The following RPS6KA2 variants were observed in gnomAD, a reference collection of about 807,000 sequenced individuals.
RPS6KA2 encodes ribosomal protein S6 kinase alpha-2.
In RPS6KA2, 42 loss-of-function variants were observed where a neutral mutation model predicts 91.8. The ratio of observed to expected loss-of-function variants is 0.46; its 90% CI spans 0.36 to 0.59. The LOEUF is 0.59. Among genes scored for constraint, RPS6KA2 ranks in the 20% least tolerant of loss-of-function variants. The pLI is 0.00. For missense variants in RPS6KA2, 798 were observed against 978.5 expected, an observed-to-expected ratio of 0.82 and a Z score of 2.46; for synonymous variants, 414 against 393.6, an observed-to-expected ratio of 1.05 and a Z score of -0.61.
chr6:166,703,031 ATGTTT>A (rs1442158581), intron 2 of RPS6KA2, among the ~76,000 whole-genome samples: 1 of 152,188 alleles, frequency 6.6e-6, no homozygotes, highest in African/African-American at 2.4e-5. Flanking sequence ...TTGTCTAGAT[ATGTTT>A]TAAAAGAGAA....
Position 166,531,411 on chromosome 6 carries a change from T to C in RPS6KA2, c.217-98A>G, listed in dbSNP as rs1366819661. 4 of 931,854 alleles carry C rather than the reference T, an allele frequency of 4.3e-6. No individual in the cohort carries two copies. In the East Asian group the frequency reaches 9.7e-5, roughly 23 times the overall value. The allele number at this position is 931,854 out of a possible 1,614,324, so 57.7% of individuals were successfully genotyped here. A position where few individuals can be genotyped will look rare whatever the true frequency, so the allele number is the denominator to read the frequency against. On this transcript the variant is annotated intron_variant, in intron 2 of 20. Coordinates refer to ENST00000265678, the MANE Select transcript of RPS6KA2 (RefSeq NM_021135.6). The stretch of plus-strand genomic sequence containing the variant: ...GGGATACACAAGGAAGTTTAGAGCA[T>C]TTTCAATAAAACAAGTACACTGGTG...
intron 2 of RPS6KA2, among the ~76,000 whole-genome samples, chr6:166,537,455 A>G (rs1412610041): frequency 6.6e-6 from 1 of 152,236 alleles, no homozygotes; most frequent in Non-Finnish European, 1.5e-5. Context: ...TAAACACCAT[A>G]TCAACTAGCC....
chr6:166,555,613 A>C lies in RPS6KA2; in HGVS notation c.100-16829T>G, dbSNP rs537884008. Among the ~76,000 whole-genome samples, 10 of 151,628 alleles carry C rather than the reference A, an allele frequency of 6.6e-5. No individual in the cohort carries two copies. The South Asian group carries it at 1.7e-3, about 25-fold the overall frequency. Reference sequence around the variant, plus strand: ...CATCGCCTCGTTCAGGGATGCTACGATTGAGCCTCTTTCTCTGCTGCAACC... The same window carrying C: ...CATCGCCTCGTTCAGGGATGCTACGCTTGAGCCTCTTTCTCTGCTGCAACC... On this transcript the variant is annotated intron_variant, in intron 1 of 20. Coordinates refer to ENST00000265678, the MANE Select transcript of RPS6KA2 (RefSeq NM_021135.6).
chr6:166,561,899 G>C (rs772235967), intron 1 of RPS6KA2, among the ~76,000 whole-genome samples: 4 of 152,116 alleles, frequency 2.6e-5, no homozygotes, highest in African/African-American at 9.7e-5. Context: ...AGGGAGGAGA[G>C]AGCGGCCACC....
intron 2 of RPS6KA2, among the ~76,000 whole-genome samples, chr6:166,692,450 A>G (rs1459639248): frequency 6.6e-6 from 1 of 152,194 alleles, no homozygotes; most frequent in African/African-American, 2.4e-5. Flanking sequence ...CTCAAGGACA[A>G]GACAGAATAA....
At chr6:166,650,526 G>A (rs747963660) in intron 2 of RPS6KA2, among the ~76,000 whole-genome samples, 8 of 151,924 alleles carry the variant, frequency 5.3e-5, no homozygotes, top group Non-Finnish European at 1.0e-4. Flanking sequence ...GGAGGGGTCC[G>A]TGTTCACTGT....
chr6:166,706,138 T>C (rs1004070421), intron 2 of RPS6KA2, among the ~76,000 whole-genome samples: 5 of 152,208 alleles, frequency 3.3e-5, no homozygotes, highest in Admixed American at 3.3e-4. Flanking sequence ...ACTCCGTTTA[T>C]CGTTTTTCAT....
At chr6:166,480,519 T>C (rs1435207775) in intron 10 of RPS6KA2, among the ~76,000 whole-genome samples, 1 of 112,644 alleles carries the variant, frequency 8.9e-6, no homozygotes, top group African/African-American at 4.3e-5. Context: ...ATATATAATA[T>C]ATTTTTTTTT....
At position 166,862,343 on chromosome 6, in the gene RPS6KA2, G is replaced by A; in HGVS notation, c.-173C>T. 2.1e-6 allele frequency: 3 copies of A among 1,460,088 alleles called. No homozygotes were observed. The South Asian group carries it at 4.0e-5, about 20-fold the overall frequency. The allele number at this position is 1,460,088 out of a possible 1,614,324, so 90.4% of individuals were successfully genotyped here. ...ATCCGGCTCCCAGAGGAGGTCGTGAGCGCGGGGCCTGCGCCGGCCGGAGGA... is the reference window on the plus strand; with the variant it reads ...ATCCGGCTCCCAGAGGAGGTCGTGAACGCGGGGCCTGCGCCGGCCGGAGGA... On this transcript the variant is annotated 5_prime_UTR_variant, in exon 1 of 22. Transcript: ENST00000503859.
chr6:166,811,852 T>C (rs1362569292), intron 2 of RPS6KA2, among the ~76,000 whole-genome samples: 1 of 152,226 alleles, frequency 6.6e-6, no homozygotes, highest in Non-Finnish European at 1.5e-5. Context: ...TCTCAAAAAT[T>C]AAAATTCACT....
rs535437883 is a variant in RPS6KA2 at position 166,446,783 on chromosome 6, T to C, written c.1332+1941A>G. ...CGCGGCTGCTGGGCTGACCAAACCG[T>C]AGGCTTGTTTCTTTGAGCTCACTGG... On this transcript the variant is annotated intron_variant, in intron 14 of 20. Coordinates refer to ENST00000265678, the MANE Select transcript of RPS6KA2 (RefSeq NM_021135.6). 3.9e-5 allele frequency among the ~76,000 whole-genome samples: 6 copies of C among 152,282 alleles called. No individual in the cohort carries two copies. In the South Asian group the frequency reaches 1.2e-3, roughly 32 times the overall value.
At chr6:166,804,899 G>A (rs1779453028) in intron 2 of RPS6KA2, among the ~76,000 whole-genome samples, 1 of 152,108 alleles carries the variant, frequency 6.6e-6, no homozygotes, top group Non-Finnish European at 1.5e-5. Context: ...ATTAATAGAG[G>A]CATCTCAAAA....
In RPS6KA2 at chr6:166,770,793, G is replaced by T; in HGVS notation, c.123+87407C>A. On this transcript the variant is annotated intron_variant, in intron 2 of 21. Transcript: ENST00000503859. This position sits in a 1 kb window ranked among gnomAD's most constrained non-coding sequence, Gnocchi z 5.1. ...CTCAATAAATTGAAAAAGACTTCAT[G>T]TTTAACTTAAAAAAAAAATGTAACT... 1 of 1,426,836 alleles carries T rather than the reference G, an allele frequency of 7.0e-7. No homozygotes were observed. Among genetic ancestry groups the T allele is most frequent in the East Asian group, 2.3e-5 (1 of 43,500 alleles). The allele number at this position is 1,426,836 out of a possible 1,614,324, so 88.4% of individuals were successfully genotyped here. A position where few individuals can be genotyped will look rare whatever the true frequency, so the allele number is the denominator to read the frequency against.
chr6:166,751,206 C>T (rs1384870654), intron 2 of RPS6KA2, among the ~76,000 whole-genome samples: 1 of 152,214 alleles, frequency 6.6e-6, no homozygotes, highest in African/African-American at 2.4e-5. Context: ...CTCCCTGAAA[C>T]CTCAAAAAGC....
At chr6:166,673,910 C>T (rs554663585) in intron 2 of RPS6KA2, among the ~76,000 whole-genome samples, 1 of 152,268 alleles carries the variant, frequency 6.6e-6, no homozygotes, top group East Asian at 1.9e-4. Flanking sequence ...CCTACTGTGC[C>T]GTTCTAAAGA....
In RPS6KA2 at chr6:166,493,666, G is replaced by A. The variant is rs758429478; in HGVS notation, c.748-2925C>T. On this transcript the variant is annotated intron_variant, in intron 8 of 20. Transcript: ENST00000265678. This position sits in a 1 kb window ranked among gnomAD's most constrained non-coding sequence, Gnocchi z 4.7. ...CCAAAGCTCCACCGGGTGCAGGCCC[G>A]ATGCTTCTGGGAAGGTAATTGGACA... 6.6e-6 allele frequency among the ~76,000 whole-genome samples: 1 copy of A among 152,038 alleles called. No homozygotes were observed. Among genetic ancestry groups the A allele is most frequent in the Admixed American group, 6.5e-5 (1 of 15,272 alleles).
intron 1 of RPS6KA2, among the ~76,000 whole-genome samples, chr6:166,594,166 G>A (rs1313694968): frequency 6.6e-5 from 10 of 152,170 alleles, no homozygotes; most frequent in Non-Finnish European, 1.5e-4. Context: ...ATTTAATGGT[G>A]GCGGTAAAAT....
chr6:166,439,523 G>A (rs895219916), intron 14 of RPS6KA2, among the ~76,000 whole-genome samples: 1 of 152,220 alleles, frequency 6.6e-6, no homozygotes, highest in Admixed American at 6.5e-5. Flanking sequence ...CCATGTGCCC[G>A]ACTTTGTTGA....
chr6:166,513,467 A>T (rs384502), intron 3 of RPS6KA2, among the ~76,000 whole-genome samples: 72,596 of 152,144 alleles, frequency 0.48, 20,153 homozygotes, highest in East Asian at 0.65. Context: ...GGAGCATGCA[A>T]TTCAACCCCA....
Sources: gnomAD v4.1 joint callset for allele counts (sites outside exome capture counted in the v4.1 genomes callset) on GRCh38, gnomAD v4.1.1 for gene constraint, Gnocchi (gnomAD v3.1) non-coding constraint, MANE v1.5 for transcripts, NCBI Gene and HGNC (gene_info 2026-07-23, HGNC 2026-07-21) for gene names.